Variants in RIPOR2 observed in about 807,000 individuals in gnomAD.
The protein encoded by RIPOR2 is rho family-interacting cell polarization regulator 2.
Under a neutral mutation model 114.5 loss-of-function variants are expected in RIPOR2, and 39 were observed. The ratio of observed to expected loss-of-function variants is 0.34; its 90% CI spans 0.26 to 0.44. The LOEUF is 0.44. Among genes scored for constraint, RIPOR2 ranks in the 20% least tolerant of loss-of-function variants. The pLI, the probability that RIPOR2 is intolerant of heterozygous loss-of-function variation, is 1.00. For synonymous variants in RIPOR2, 445 were observed against 484.4 expected (o/e 0.92, Z 1.07); for missense variants, 1,007 against 1,255.1 (o/e 0.80, Z 2.99).
chr6:24,936,830 G>T (rs987378083), upstream of RIPOR2, among the ~76,000 whole-genome samples: 1 of 152,202 alleles, frequency 6.6e-6, no homozygotes, highest in Non-Finnish European at 1.5e-5. Context: ...GCACTCCACT[G>T]TGTTGTAAGA....
chr6:24,941,392 A>T (rs1195677444), intron 1 of RIPOR2, among the ~76,000 whole-genome samples: 1 of 152,070 alleles, frequency 6.6e-6, no homozygotes, highest in Non-Finnish European at 1.5e-5. Flanking sequence ...AAAAAAGCAT[A>T]TAAAGGCACT....
At chr6:24,860,903 CT>C in intron 8 of RIPOR2, 69 bp downstream of exon 8, 1 of 989,320 alleles carries the variant, frequency 1.0e-6, no homozygotes, top group African/African-American at 1.6e-5. Context: ...AGCATGGGCT[CT>C]CAAACTTCAA....
intron 1 of RIPOR2, among the ~76,000 whole-genome samples, chr6:24,896,434 A>C (rs1184667030): frequency 6.6e-6 from 1 of 151,776 alleles, no homozygotes. Context: ...ATTCCTGTAC[A>C]TCTCCTAGAG....
chr6:24,840,546 G>C, intron 13 of RIPOR2: 1 of 1,443,240 alleles, frequency 6.9e-7, no homozygotes. Context: ...AATTCTGCAA[G>C]TTAGAAGCAC....
intron 1 of RIPOR2, among the ~76,000 whole-genome samples, chr6:25,024,646 G>C (rs1291968450): frequency 6.6e-6 from 1 of 152,200 alleles, no homozygotes; most frequent in Non-Finnish European, 1.5e-5. Context: ...TCTGGAAGCA[G>C]TGTGGCCCCA....
intron 1 of RIPOR2, among the ~76,000 whole-genome samples, chr6:24,932,498 A>G (rs1246752790): frequency 6.6e-6 from 1 of 152,196 alleles, no homozygotes; most frequent in Non-Finnish European, 1.5e-5. Context: ...AAGAGCAGTT[A>G]CACACCAATG....
At chr6:24,907,323 T>C (rs1769096740) in intron 1 of RIPOR2, among the ~76,000 whole-genome samples, 1 of 152,356 alleles carries the variant, frequency 6.6e-6, no homozygotes, top group South Asian at 2.1e-4. Flanking sequence ...ATCGGTGTCA[T>C]GTAAACAATG....
intron 14 of RIPOR2, among the ~76,000 whole-genome samples, chr6:24,838,214 C>T (rs563498219): frequency 2.0e-5 from 3 of 152,152 alleles, no homozygotes; most frequent in Non-Finnish European, 2.9e-5. Context: ...AGTCATTGGT[C>T]ATCCCCTCTT....
chr6:24,921,364 A>G (rs1770469670), intron 1 of RIPOR2, among the ~76,000 whole-genome samples: 1 of 150,260 alleles, frequency 6.7e-6, no homozygotes, highest in African/African-American at 2.5e-5. Flanking sequence ...CTGTTTCACT[A>G]TGTTGGCCAG....
intron 1 of RIPOR2, among the ~76,000 whole-genome samples, chr6:24,920,713 A>G (rs1770420044): frequency 6.6e-6 from 1 of 152,226 alleles, no homozygotes; most frequent in Non-Finnish European, 1.5e-5. Context: ...ATTTATATGT[A>G]TACTATAAAC....
intron 19 of RIPOR2, among the ~76,000 whole-genome samples, chr6:24,820,400 T>C (rs540449610): frequency 1.4e-4 from 21 of 152,370 alleles, no homozygotes; most frequent in South Asian, 8.3e-4. Flanking sequence ...TACCATAATA[T>C]TTAGACTACA....
At chr6:25,041,903 G>A in exon 1 of RIPOR2, 1 of 702,910 alleles carries the variant, frequency 1.4e-6, no homozygotes, top group East Asian at 2.7e-5. Context: ...TTCTGATCCA[G>A]TGTAATCGCG....
At chr6:24,853,179 T>G (rs1763130676) in intron 8 of RIPOR2, among the ~76,000 whole-genome samples, 3 of 152,182 alleles carry the variant, frequency 2.0e-5, no homozygotes, top group South Asian at 4.1e-4. Context: ...ATTACTTACA[T>G]AAAGCTAGTG....
chr6:24,842,916 A>T lies in RIPOR2; in HGVS notation c.1803T>A (p.Tyr601Ter). The T allele has an allele frequency of 6.6e-7, 1 of 1,508,116 alleles. No individual in the cohort carries two copies. Among genetic ancestry groups the T allele is most frequent in the Non-Finnish European group, 8.9e-7 (1 of 1,128,166 alleles). 93.4% of individuals were successfully genotyped at this position (1,508,116 alleles called of 1,614,324 possible). A position where few individuals can be genotyped will look rare whatever the true frequency, so the allele number is the denominator to read the frequency against. The stretch of plus-strand genomic sequence containing the variant: ...CTTGGTTCAGATCCTGAAACTCTTT[A>T]TACTGCTCTTTATGTGGTTCTAATG... ...LLALEPHKEQ[Y>*]KEFQDLNQEV... Residue 601 changes from tyrosine (Y) to a stop codon, truncating the protein, a stop_gained, in exon 13 of 22, where the codon TAT becomes TAA. Transcript: ENST00000643898. LOFTEE classifies it high-confidence loss of function.
chr6:24,830,847 C>G (rs901975290), intron 16 of RIPOR2, among the ~76,000 whole-genome samples, 177 bp from the exon 17 acceptor site: 2 of 152,030 alleles, frequency 1.3e-5, no homozygotes, highest in African/African-American at 4.8e-5. Flanking sequence ...TCCCAAGTAG[C>G]AGGGATTACA....
intron 1 of RIPOR2, chr6:25,023,805 C>CT (rs1438548458): frequency 2.6e-6 from 2 of 765,218 alleles, no homozygotes; most frequent in South Asian, 1.3e-5. Flanking sequence ...ACGGGGACCC[C>CT]TTTTTTAACT....
intron 1 of RIPOR2, among the ~76,000 whole-genome samples, chr6:24,890,419 G>A (rs1212039829): frequency 6.6e-6 from 1 of 152,140 alleles, no homozygotes; most frequent in Non-Finnish European, 1.5e-5. Context: ...AATACTGCAT[G>A]TTCTCACTCA....
At chr6:24,829,869 C>G (rs1760517327) in intron 17 of RIPOR2, among the ~76,000 whole-genome samples, 1 of 152,182 alleles carries the variant, frequency 6.6e-6, no homozygotes, top group Admixed American at 6.5e-5. Flanking sequence ...AACTGCCAAA[C>G]AGTTTTTCCA....
rs183449164 is a variant in RIPOR2, at chr6:24,882,975, G to A, written c.62-7158C>T. Among the ~76,000 whole-genome samples the A allele has an allele frequency of 7.2e-4, 109 of 152,270 alleles. 1 individual carries two copies. The highest frequency in any genetic ancestry group is 2.5e-3 in the African/African-American group (104 of 41,548). On this transcript the variant is annotated intron_variant, in intron 1 of 21. Transcript: ENST00000643898. ...CAGAGGCTAAAGGAAACCCCTGCAA[G>A]GATGAGACCAGGGCTTTTCTATGGG...
Sources: allele counts gnomAD v4.1 joint callset (sites outside exome capture counted in the v4.1 genomes callset), GRCh38; gene constraint gnomAD v4.1.1; transcripts MANE v1.5; gene names NCBI Gene and HGNC (gene_info 2026-07-23, HGNC 2026-07-21).